Variants in SEC23B observed in about 807,000 individuals in gnomAD.
SEC23B encodes SEC23 homolog B, COPII component, also known as protein transport protein Sec23B.
In SEC23B, 77 loss-of-function variants were observed where a neutral mutation model predicts 104.3. That is an observed-to-expected ratio of 0.74 (90% CI 0.61 to 0.89). The LOEUF (loss-of-function observed/expected upper bound fraction) is 0.89. Among genes scored for constraint, SEC23B ranks in the 40% least tolerant of loss-of-function variants. SEC23B has a pLI of 0.00. For synonymous variants in SEC23B, 338 were observed against 332.5 expected, an observed-to-expected ratio of 1.02 and a Z score of -0.18; for missense variants, 885 against 949.4, an observed-to-expected ratio of 0.93 and a Z score of 0.89.
intron 1 of SEC23B, chr20:18,509,992 T>G (rs2059967296): frequency 6.6e-6 from 1 of 152,138 alleles, no homozygotes; most frequent in African/African-American, 2.4e-5. Flanking sequence ...TAGAAATAAT[T>G]TAGCTCAAAA....
intron 4 of SEC23B, among the ~76,000 whole-genome samples, chr20:18,521,922 G>A (rs952707401): frequency 2.0e-5 from 3 of 152,208 alleles, no homozygotes; most frequent in Admixed American, 2.0e-4. Flanking sequence ...AGATCTTGTA[G>A]GATGGAGAAA....
chr20:18,557,877 G>A (rs972074779), intron 19 of SEC23B, among the ~76,000 whole-genome samples: 1 of 150,692 alleles, frequency 6.6e-6, no homozygotes, highest in South Asian at 2.1e-4. Context: ...TCAGCCTCCC[G>A]AGTAGCTGGG....
chr20:18,514,901 A>C (rs2060012183), intron 3 of SEC23B, among the ~76,000 whole-genome samples: 1 of 152,252 alleles, frequency 6.6e-6, no homozygotes, highest in Non-Finnish European at 1.5e-5. Context: ...TATTGATAAT[A>C]GCCAAAATAA....
At chr20:18,548,457 C>G (rs886573176) in intron 15 of SEC23B, 152 bp from the exon 16 acceptor site, 6 of 725,430 alleles carry the variant, frequency 8.3e-6, no homozygotes, top group South Asian at 1.7e-5. Context: ...CTTTCCCTAG[C>G]CCCTGGTGCC....
chr20:18,522,994 GA>G (rs1160930940), intron 4 of SEC23B, among the ~76,000 whole-genome samples: 49 of 152,040 alleles, frequency 3.2e-4, no homozygotes, highest in African/African-American at 1.1e-3. Flanking sequence ...GTGAACCCAG[GA>G]GGTGGAACTT....
At chr20:18,550,685 C>T (rs1050727990) in intron 16 of SEC23B, among the ~76,000 whole-genome samples, 4 of 151,980 alleles carry the variant, frequency 2.6e-5, no homozygotes, top group Admixed American at 2.0e-4. Flanking sequence ...ATTAGTTGGG[C>T]GTGGTGGCAT....
chr20:18,540,802 G>A (rs764850018), intron 12 of SEC23B, among the ~76,000 whole-genome samples: 3 of 152,206 alleles, frequency 2.0e-5, no homozygotes, highest in African/African-American at 4.8e-5. Flanking sequence ...GTTGCAGTGA[G>A]CTGAGATCAT....
Position 18,518,582 on chromosome 20 carries a change from G to GTTTT in SEC23B, c.366+2866_366+2869dup, listed in dbSNP as rs57231166. On this transcript the variant is annotated intron_variant, in intron 4 of 19. Coordinates refer to ENST00000650089, the MANE Select transcript of SEC23B (RefSeq NM_006363.6). ...AATGGGCCTGTGAGGCTGGAAGGAG[G>GTTTT]TTTTTTTTTTTTTTTTTTTTTTTGT... Among the ~76,000 whole-genome samples the GTTTT allele has an allele frequency of 5.5e-4, 51 of 92,664 alleles. 7 individuals carry two copies. The highest frequency in any genetic ancestry group is 9.2e-4 in the Admixed American group (6 of 6,512). The allele number at this position is 92,664 out of a possible 152,430, so 60.8% of individuals were successfully genotyped here.
intron 11 of SEC23B, among the ~76,000 whole-genome samples, chr20:18,535,112 G>A (rs2060217090): frequency 6.6e-6 from 1 of 152,100 alleles, no homozygotes. Flanking sequence ...TTCACCTTAA[G>A]GGTCTTTCTT....
intron 15 of SEC23B, 72 bp downstream of exon 15, chr20:18,546,105 T>C: frequency 2.2e-6 from 2 of 921,524 alleles, no homozygotes; most frequent in South Asian, 2.6e-5. Context: ...ATTCTTAGGG[T>C]AAAGTGAAGA....
chr20:18,519,397 T>A (rs1380966455), intron 4 of SEC23B, among the ~76,000 whole-genome samples: 1 of 148,442 alleles, frequency 6.7e-6, no homozygotes, highest in African/African-American at 2.5e-5. Context: ...TTCAAAGTTA[T>A]GAGAACTGTA....
chr20:18,531,571 G>C (rs544583766), intron 10 of SEC23B, among the ~76,000 whole-genome samples: 4 of 147,864 alleles, frequency 2.7e-5, no homozygotes, highest in Non-Finnish European at 5.9e-5. Flanking sequence ...CAGGAGAATG[G>C]CTTGTACGTA....
Position 18,530,785 on chromosome 20 carries a change from T to C in SEC23B, c.1215T>C (p.Gly405=), listed in dbSNP as rs1349395142. Residue 405 remains glycine (G), a synonymous_variant, in exon 10 of 20, where the codon GGT becomes GGC. Coordinates refer to ENST00000650089, the MANE Select transcript of SEC23B (RefSeq NM_006363.6). ...ATGGAGATTTCCGAATGGCATTTGG[T>C]GCTACTTTGGACGTAAAGGTACGGT... ...DFNGDFRMAF[G]ATLDVKTSRE... is the part of the protein sequence containing the mutation. 4 of 1,612,642 alleles carry C rather than the reference T, an allele frequency of 2.5e-6. No individual in the cohort carries two copies. The South Asian group carries it at 4.4e-5, about 18-fold the overall frequency.
At chr20:18,540,515 G>C (rs1379693896) in intron 12 of SEC23B, among the ~76,000 whole-genome samples, 2 of 152,170 alleles carry the variant, frequency 1.3e-5, no homozygotes, top group African/African-American at 4.8e-5. Context: ...CAATTCTTAA[G>C]AGTCCTAGGA....
chr20:18,509,708 C>G (rs1166369656), intron 1 of SEC23B: 1 of 152,254 alleles, frequency 6.6e-6, no homozygotes, highest in Non-Finnish European at 1.5e-5. Flanking sequence ...CTGCCTCAAC[C>G]TCCTGAGTAG....
intron 19 of SEC23B, among the ~76,000 whole-genome samples, chr20:18,555,677 A>C (rs1372110838): frequency 2.0e-5 from 3 of 152,066 alleles, no homozygotes; most frequent in South Asian, 2.1e-4. Context: ...TTTTAAATTA[A>C]ATTTTTTTGA....
rs559412496 is a variant in SEC23B, at chr20:18,554,180, T to C, written c.1993-55T>C. ...GGCGATGGTAGAATGTCAGTGTCAG[T>C]GAAGGCTGTTATTACAGTTTCCACA... On this transcript the variant is annotated intron_variant, in intron 17 of 19. Coordinates refer to ENST00000650089, the MANE Select transcript of SEC23B (RefSeq NM_006363.6). The C allele has an allele frequency of 2.1e-5, 33 of 1,599,308 alleles. No homozygotes were observed. The African/African-American group carries it at 4.4e-4, about 21-fold the overall frequency.
chr20:18,549,541 T>C (rs1286799907), intron 16 of SEC23B, among the ~76,000 whole-genome samples: 3 of 151,856 alleles, frequency 2.0e-5, no homozygotes, highest in Non-Finnish European at 1.5e-5. Context: ...TCACAAAAAG[T>C]ATGTAACATA....
chr20:18,549,989 AAAAG>A (rs1348543197), intron 16 of SEC23B, among the ~76,000 whole-genome samples: 2 of 147,954 alleles, frequency 1.4e-5, no homozygotes, highest in Admixed American at 6.8e-5. Flanking sequence ...ATAAAAATAA[AAAAG>A]AAATAATTAC....
Sources: gnomAD v4.1 joint callset for allele counts (sites outside exome capture counted in the v4.1 genomes callset) on GRCh38, gnomAD v4.1.1 for gene constraint, MANE v1.5 for transcripts, NCBI Gene and HGNC (gene_info 2026-07-23, HGNC 2026-07-21) for gene names.